The following SETBP1 variants were observed in gnomAD, a reference collection of about 807,000 sequenced individuals.
SETBP1 encodes the protein SET binding protein 1.
In SETBP1, 9 loss-of-function variants were observed where a neutral mutation model predicts 101.0. That is an observed-to-expected ratio of 0.09 (90% CI 0.05 to 0.16). The LOEUF (loss-of-function observed/expected upper bound fraction) is 0.16, where lower values mean the gene tolerates loss of function less well. Ranked by LOEUF, SETBP1 falls within the 10% of genes least tolerant of loss-of-function variation. The pLI is 1.00. For synonymous variants in SETBP1, 818 were observed against 788.5 expected, an observed-to-expected ratio of 1.04 and a Z score of -0.63; for missense variants, 1,858 against 2,033.8, an observed-to-expected ratio of 0.91 and a Z score of 1.66.
At chr18:44,980,009 G>GCC in intron 4 of SETBP1, among the ~76,000 whole-genome samples, 1 of 152,220 alleles carries the variant, frequency 6.6e-6, no homozygotes, top group South Asian at 2.1e-4. Flanking sequence ...GTCACTGTGT[G>GCC]CCCAGACTGT....
At chr18:45,024,671 G>A (rs776355720) in intron 4 of SETBP1, among the ~76,000 whole-genome samples, 2 of 152,158 alleles carry the variant, frequency 1.3e-5, no homozygotes, top group African/African-American at 4.8e-5. Flanking sequence ...TTAGCTCTGC[G>A]CACAATGCAG....
intron 1 of SETBP1, among the ~76,000 whole-genome samples, chr18:44,700,965 A>G (rs538827904): frequency 3.1e-4 from 47 of 152,326 alleles, no homozygotes; most frequent in Non-Finnish European, 6.0e-4. Context: ...ATTAATAGCA[A>G]TCCATTATGA....
chr18:44,869,448 C>A, intron 3 of SETBP1, 165 bp downstream of exon 3: 1 of 704,586 alleles, frequency 1.4e-6, no homozygotes, highest in Admixed American at 2.0e-5. Flanking sequence ...CCTCCTCCAG[C>A]TCCTCTCATT....
At chr18:44,965,798 TTC>T (rs2071710239) in intron 4 of SETBP1, among the ~76,000 whole-genome samples, 1 of 152,170 alleles carries the variant, frequency 6.6e-6, no homozygotes, top group South Asian at 2.1e-4. Context: ...TAGAGGAGAA[TTC>T]TGTTTCTGAA....
chr18:44,941,076 A>AATTTTTTTTTTTTTTTTTTTTTTTTTTT (rs1568228554), intron 3 of SETBP1, among the ~76,000 whole-genome samples: 1 of 124,940 alleles, frequency 8.0e-6, no homozygotes. Context: ...GAGAAGTCAG[A>AATTTTTTTTTTTTTTTTTTTTTTTTTTT]CTTTTTTTTT....
At chr18:44,990,927 G>GAAAAAAAAAA (rs996043221) in intron 4 of SETBP1, among the ~76,000 whole-genome samples, 1 of 63,188 alleles carries the variant, frequency 1.6e-5, no homozygotes, top group Non-Finnish European at 3.3e-5. Flanking sequence ...CAGAGAGAGA[G>GAAAAAAAAAA]AAAAAAAAAA....
rs151054705 is a variant in SETBP1 at position 44,716,214 on chromosome 18, C to T, written c.486+14382C>T. ...TGTCCACTTGCTTTTCTTTTTGATT[C>T]GATTCCCTGCCATTCTGCAGGAGAG... On this transcript the variant is annotated intron_variant, in intron 2 of 5. Coordinates refer to ENST00000649279, the MANE Select transcript of SETBP1 (RefSeq NM_015559.3). Among the ~76,000 whole-genome samples, 22 of 152,226 alleles carry T rather than the reference C, an allele frequency of 1.4e-4. No individual in the cohort carries two copies. The East Asian group carries it at 3.5e-3, about 24-fold the overall frequency.
chr18:44,789,688 T>A (rs967189516), intron 2 of SETBP1, among the ~76,000 whole-genome samples: 3 of 152,250 alleles, frequency 2.0e-5, no homozygotes, highest in African/African-American at 7.2e-5. Context: ...TATTTTCTGA[T>A]GATTTTTCTG....
chr18:44,778,332 A>T (rs1432744884), intron 2 of SETBP1, among the ~76,000 whole-genome samples: 4 of 152,156 alleles, frequency 2.6e-5, no homozygotes, highest in Admixed American at 2.0e-4. Context: ...GGGTCACCTA[A>T]TCACTCACCA....
chr18:45,061,632 C>A (rs2073891875), intron 5 of SETBP1, among the ~76,000 whole-genome samples: 1 of 152,050 alleles, frequency 6.6e-6, no homozygotes, highest in African/African-American at 2.4e-5. Flanking sequence ...CAAATAAAAC[C>A]CTCCTGGCAA....
At chr18:44,984,918 A>G (rs2072196154) in intron 4 of SETBP1, among the ~76,000 whole-genome samples, 1 of 152,218 alleles carries the variant, frequency 6.6e-6, no homozygotes, top group Non-Finnish European at 1.5e-5. Context: ...AGGCGGGCAG[A>G]TCACCTGAGG....
intron 2 of SETBP1, among the ~76,000 whole-genome samples, chr18:44,721,320 A>C (rs1229370128): frequency 6.6e-6 from 1 of 152,178 alleles, no homozygotes; most frequent in African/African-American, 2.4e-5. Context: ...TTTTGTTTCC[A>C]GGAGTTATGC....
In SETBP1 at chr18:44,943,453, C is replaced by T. The variant is rs936890133; in HGVS notation, c.541-6428C>T. On this transcript the variant is annotated intron_variant, in intron 3 of 5. Transcript: ENST00000649279. ...TTGATAATATCAGAGCCTCTCTAGT[C>T]CTTAACCCAGACCCTGTCTTTGATA... Among the ~76,000 whole-genome samples the T allele has an allele frequency of 6.6e-5, 10 of 152,346 alleles. No individual in the cohort carries two copies. In the East Asian group the frequency reaches 1.2e-3, roughly 18 times the overall value.
intron 3 of SETBP1, among the ~76,000 whole-genome samples, chr18:44,930,265 C>T: frequency 6.6e-6 from 1 of 152,172 alleles, no homozygotes; most frequent in East Asian, 1.9e-4. Context: ...TTGAACCAGC[C>T]TTGCATCCCA....
At chr18:44,845,126 G>A (rs2072699153) in intron 2 of SETBP1, among the ~76,000 whole-genome samples, 1 of 152,180 alleles carries the variant, frequency 6.6e-6, no homozygotes, top group South Asian at 2.1e-4. Flanking sequence ...GCAGTAATTA[G>A]AGAAGAGACA....
chr18:44,817,915 G>A (rs1390533199), intron 2 of SETBP1, among the ~76,000 whole-genome samples: 1 of 152,152 alleles, frequency 6.6e-6, no homozygotes, highest in African/African-American at 2.4e-5. Flanking sequence ...AATTAGAGCT[G>A]TCTCAAAAAG....
At chr18:44,980,158 A>G (rs2072080203) in intron 4 of SETBP1, among the ~76,000 whole-genome samples, 1 of 152,238 alleles carries the variant, frequency 6.6e-6, no homozygotes, top group African/African-American at 2.4e-5. Flanking sequence ...GTATAGAATG[A>G]AGCAGATTGA....
intron 5 of SETBP1, among the ~76,000 whole-genome samples, chr18:45,052,540 C>T (rs117827899): frequency 6.6e-6 from 1 of 152,240 alleles, no homozygotes; most frequent in Non-Finnish European, 1.5e-5. Context: ...AAATGCAAGA[C>T]TTTTTTCCCT....
intron 4 of SETBP1, among the ~76,000 whole-genome samples, chr18:45,018,664 C>T (rs1297060073): frequency 2.6e-5 from 4 of 152,156 alleles, no homozygotes; most frequent in Non-Finnish European, 1.5e-5. Flanking sequence ...ACAACAAATT[C>T]CTTAAGATAT....
Sources: allele counts gnomAD v4.1 joint callset (sites outside exome capture counted in the v4.1 genomes callset), GRCh38; gene constraint gnomAD v4.1.1; transcripts MANE v1.5; gene names NCBI Gene and HGNC (gene_info 2026-07-23, HGNC 2026-07-21).